Variants in SNRPA1 observed in about 807,000 individuals in gnomAD.
SNRPA1 encodes the protein small nuclear ribonucleoprotein polypeptide A', also known as U2 small nuclear ribonucleoprotein A'.
SNRPA1 carries 5 observed loss-of-function variants against 32.3 expected under a neutral mutation model. The observed-to-expected ratio is 0.15, with a 90% CI of 0.08 to 0.33. The LOEUF (loss-of-function observed/expected upper bound fraction) is 0.33. Among genes scored for constraint, SNRPA1 ranks in the 10% least tolerant of loss-of-function variants. The probability of loss-of-function intolerance (pLI) is 1.00; values close to 1 mark genes in which losing one functional copy is unlikely to be tolerated. For synonymous variants in SNRPA1, 111 were observed against 120.1 expected, an observed-to-expected ratio of 0.92 and a Z score of 0.50; for missense variants, 198 against 311.1, an observed-to-expected ratio of 0.64 and a Z score of 2.74.
At chr15:101,293,486 G>T (rs1314952255) in intron 1 of SNRPA1, 1 of 176,446 alleles carries the variant, frequency 5.7e-6, no homozygotes, top group Admixed American at 6.3e-5. Context: ...ACTGTCCTAA[G>T]TCGTTTGGGC....
chr15:101,289,282 T>C (rs1431564081), intron 3 of SNRPA1, among the ~76,000 whole-genome samples: 2 of 152,282 alleles, frequency 1.3e-5, no homozygotes, highest in African/African-American at 4.8e-5. Context: ...AAGGTCACTG[T>C]ACTGTATTGT....
intron 3 of SNRPA1, among the ~76,000 whole-genome samples, chr15:101,288,765 C>T (rs569935148): frequency 6.6e-5 from 10 of 152,222 alleles, no homozygotes; most frequent in Non-Finnish European, 1.5e-4. Flanking sequence ...AGAGGGGAGG[C>T]GAGGAGCCGT....
chr15:101,291,784 A>C (rs1468343328), intron 3 of SNRPA1, among the ~76,000 whole-genome samples, 178 bp downstream of exon 3: 1 of 152,254 alleles, frequency 6.6e-6, no homozygotes, highest in Admixed American at 6.5e-5. Context: ...GTCAAGTAAA[A>C]GTAGGAAAAT....
intron 6 of SNRPA1, 184 bp downstream of exon 6, chr15:101,286,030 C>G (rs538969392): frequency 3.1e-6 from 2 of 647,272 alleles, no homozygotes; most frequent in African/African-American, 3.7e-5. Flanking sequence ...ATTTGCTCTG[C>G]TAAGCTGGTA....
At chr15:101,286,550 G>T in intron 5 of SNRPA1, 1 of 488,186 alleles carries the variant, frequency 2.0e-6, no homozygotes, top group Non-Finnish European at 3.6e-6. Context: ...ATAAAATAAT[G>T]AATTCCTAAT....
intron 1 of SNRPA1, among the ~76,000 whole-genome samples, chr15:101,294,528 G>A (rs1239416005): frequency 6.6e-6 from 1 of 152,154 alleles, no homozygotes; most frequent in East Asian, 1.9e-4. Flanking sequence ...CACAGCACCC[G>A]GCGGTGCAAG....
intron 8 of SNRPA1, among the ~76,000 whole-genome samples, chr15:101,282,113 G>A (rs777231485): frequency 2.0e-5 from 3 of 152,176 alleles, no homozygotes; most frequent in South Asian, 2.1e-4. Flanking sequence ...CAAAGAAACC[G>A]GAAATACTCA....
intron 3 of SNRPA1, 61 bp downstream of exon 3, chr15:101,291,901 A>G: frequency 9.8e-7 from 1 of 1,020,654 alleles, no homozygotes; most frequent in Middle Eastern, 3.1e-4. Flanking sequence ...AATTTTCTGT[A>G]GGAAGCACAT....
intron 1 of SNRPA1, among the ~76,000 whole-genome samples, chr15:101,293,786 A>G (rs1175845256): frequency 1.3e-5 from 2 of 152,260 alleles, no homozygotes; most frequent in African/African-American, 4.8e-5. Context: ...GCACTATAAG[A>G]AAAGAAATAT....
At chr15:101,290,564 A>C (rs1164316888) in intron 3 of SNRPA1, among the ~76,000 whole-genome samples, 1 of 149,626 alleles carries the variant, frequency 6.7e-6, no homozygotes, top group Non-Finnish European at 1.5e-5. Flanking sequence ...TCACAAAATT[A>C]AGTTATACGA....
Position 101,287,705 on chromosome 15 carries a change from G to A in SNRPA1, c.310-3C>T. The A allele has an allele frequency of 1.2e-6, 2 of 1,613,604 alleles. No homozygotes were observed. Among genetic ancestry groups the A allele is most frequent in the Admixed American group, 1.7e-5 (1 of 60,002 alleles). Reference sequence around the variant, plus strand: ...GATGCCAGAGGGTCCAGATCACCCTGTCAAGCAATAGCCACAGGTAAGAAC... The same window carrying A: ...GATGCCAGAGGGTCCAGATCACCCTATCAAGCAATAGCCACAGGTAAGAAC... On this transcript the variant is annotated splice_polypyrimidine_tract_variant and splice_region_variant and intron_variant, in intron 3 of 8. Coordinates refer to ENST00000254193, the MANE Select transcript of SNRPA1 (RefSeq NM_003090.4).
chr15:101,283,883 T>A (rs1483716422), intron 8 of SNRPA1, among the ~76,000 whole-genome samples: 2 of 152,190 alleles, frequency 1.3e-5, no homozygotes, highest in Non-Finnish European at 2.9e-5. Context: ...GAGGTTGGCG[T>A]GAGCCGAGAT....
intron 8 of SNRPA1, among the ~76,000 whole-genome samples, chr15:101,284,160 A>C (rs2039428203): frequency 6.6e-6 from 1 of 152,236 alleles, no homozygotes; most frequent in Non-Finnish European, 1.5e-5. Context: ...ACCACTTATC[A>C]AAAACTCGCT....
chr15:101,290,939 A>C (rs2039519141), intron 3 of SNRPA1, among the ~76,000 whole-genome samples: 1 of 151,870 alleles, frequency 6.6e-6, no homozygotes, highest in Non-Finnish European at 1.5e-5. Context: ...ACGGGGTTTC[A>C]CCATATTGCC....
At position 101,292,039 on chromosome 15, in the gene SNRPA1, G is replaced by T. The variant is rs745867854; in HGVS notation, c.232C>A (p.Arg78Ser). 2.5e-6 allele frequency: 4 copies of T among 1,604,184 alleles called. No individual in the cohort carries two copies. The African/African-American group carries it at 4.0e-5, about 16-fold the overall frequency. The stretch of plus-strand genomic sequence containing the variant: ...GCCTGATCAAGTCCCTCACCTATAC[G>T]GCTAAAATAAAAATAGAGTCTTAGT... ...TLLVNNNRIC[R>S]IGEGLDQALP... Residue 78 changes from arginine to serine, a missense_variant and splice_region_variant, in exon 3 of 9, where the codon CGT (arginine) becomes AGT (serine). By Grantham distance (110) the Arg-to-Ser change is moderately radical. Coordinates refer to ENST00000254193, the MANE Select transcript of SNRPA1 (RefSeq NM_003090.4).
In SNRPA1 at chr15:101,295,244, C is replaced by T. The variant is rs1480193410; in HGVS notation, c.-66G>A. On this transcript the variant is annotated 5_prime_UTR_variant, in exon 1 of 9. Transcript: ENST00000254193. ...GCCTCCCGCCAGCGAGACGTCCCAG[C>T]GTGCCCCGCGCCCCGCCGCCAGGCA... 2 of 1,355,690 alleles carry T rather than the reference C, an allele frequency of 1.5e-6. No individual in the cohort carries two copies. The highest frequency in any genetic ancestry group is 2.8e-5 in the Admixed American group (1 of 35,270). 84.0% of individuals were successfully genotyped at this position (1,355,690 alleles called of 1,614,324 possible).
Position 101,295,028 on chromosome 15 carries a change from C to T in SNRPA1, c.82+69G>A, listed in dbSNP as rs1258988366. ...GCCAAGCTCCGGCCTTCGGTGCACG[C>T]GGCAAAGCGCGGAAAATAAGGCGGC... On this transcript the variant is annotated intron_variant, in intron 1 of 8. Coordinates refer to ENST00000254193, the MANE Select transcript of SNRPA1 (RefSeq NM_003090.4). The T allele has an allele frequency of 7.4e-6, 8 of 1,073,908 alleles. No individual in the cohort carries two copies. In the East Asian group the frequency reaches 1.9e-4, roughly 26 times the overall value. The allele number at this position is 1,073,908 out of a possible 1,614,324, so 66.5% of individuals were successfully genotyped here.
At chr15:101,285,613 T>G (rs1392105310) in intron 7 of SNRPA1, 113 bp downstream of exon 7, 4 of 731,832 alleles carry the variant, frequency 5.5e-6, no homozygotes, top group Middle Eastern at 2.3e-4. Context: ...TGCTGTATGC[T>G]AATAACTGTG....
intron 5 of SNRPA1, 138 bp downstream of exon 5, chr15:101,286,770 G>A (rs1311351892): frequency 1.7e-6 from 1 of 589,776 alleles, no homozygotes; most frequent in Non-Finnish European, 3.0e-6. Flanking sequence ...AAAATGTGAT[G>A]TAACATTTTC....
Sources: gnomAD v4.1 joint callset for allele counts (sites outside exome capture counted in the v4.1 genomes callset) on GRCh38, gnomAD v4.1.1 for gene constraint, MANE v1.5 for transcripts, NCBI Gene and HGNC (gene_info 2026-07-23, HGNC 2026-07-21) for gene names.